Variants in RALYL observed in about 807,000 individuals in gnomAD.
RALYL encodes RALY RNA binding protein like.
In RALYL, 29 loss-of-function variants were observed where a neutral mutation model predicts 35.1. The observed-to-expected ratio is 0.83, with a 90% CI of 0.61 to 1.13. The LOEUF (loss-of-function observed/expected upper bound fraction) is 1.13. Among genes scored for constraint, RALYL ranks in the 50% most tolerant of loss-of-function variants. The pLI, the probability that RALYL is intolerant of heterozygous loss-of-function variation, is 0.00. For missense variants in RALYL, 359 were observed against 360.4 expected (o/e 1.00, Z 0.03); for synonymous variants, 120 against 127.6 (o/e 0.94, Z 0.40).
intron 2 of RALYL, among the ~76,000 whole-genome samples, chr8:84,557,560 C>T (rs1024502580): frequency 6.6e-6 from 1 of 152,160 alleles, no homozygotes; most frequent in Non-Finnish European, 1.5e-5. Flanking sequence ...AACATTTAAA[C>T]ATTTATTACA....
chr8:84,343,999 A>G (rs1172704145), intron 1 of RALYL, among the ~76,000 whole-genome samples: 1 of 152,064 alleles, frequency 6.6e-6, no homozygotes, highest in Non-Finnish European at 1.5e-5. Context: ...GATTATGTTT[A>G]GAAAAATCCC....
intron 1 of RALYL, among the ~76,000 whole-genome samples, chr8:84,253,176 G>GTTTTTTTTTTTTTTTTTTTTTTTTTT (rs764942491): frequency 3.8e-5 from 2 of 52,824 alleles, no homozygotes; most frequent in African/African-American, 1.7e-4. Flanking sequence ...TAGTTCTGCA[G>GTTTTTTTTTTTTTTTTTTTTTTTTTT]TTTTTTTTTT....
At chr8:84,428,106 T>A (rs1491563) in intron 1 of RALYL, among the ~76,000 whole-genome samples, 45,875 of 126,380 alleles carry the variant, frequency 0.36, 7,944 homozygotes, top group South Asian at 0.5. Flanking sequence ...TCTCTCTCTC[T>A]CACACACACA....
intron 1 of RALYL, among the ~76,000 whole-genome samples, chr8:84,339,715 C>A (rs188655933): frequency 6.6e-6 from 1 of 151,858 alleles, no homozygotes; most frequent in Non-Finnish European, 1.5e-5. Flanking sequence ...CTGCTGGACT[C>A]GAAAACATTT....
chr8:84,337,006 T>A (rs1847922131), intron 1 of RALYL, among the ~76,000 whole-genome samples: 1 of 150,878 alleles, frequency 6.6e-6, no homozygotes, highest in African/African-American at 2.4e-5. Flanking sequence ...TTATTTGGAA[T>A]AACCTGTCTG....
intron 2 of RALYL, among the ~76,000 whole-genome samples, chr8:84,638,299 C>T (rs1178238401): frequency 6.6e-6 from 1 of 151,902 alleles, no homozygotes; most frequent in Admixed American, 6.6e-5. Context: ...ACTTCTGGGA[C>T]ACAGCAAGTG....
intron 2 of RALYL, among the ~76,000 whole-genome samples, chr8:84,761,131 T>C (rs1284867796): frequency 6.6e-6 from 1 of 152,074 alleles, no homozygotes; most frequent in Non-Finnish European, 1.5e-5. Context: ...GCTCTCAGCT[T>C]ATTTTCCTCA....
rs376448511 is a variant in RALYL, at chr8:84,253,103, T to A, written c.-24+68679T>A. Among the ~76,000 whole-genome samples, 20 of 150,982 alleles carry A rather than the reference T, an allele frequency of 1.3e-4. No homozygotes were observed. The East Asian group carries it at 3.9e-3, about 30-fold the overall frequency. On this transcript the variant is annotated intron_variant, in intron 1 of 8. Coordinates refer to ENST00000521268, the MANE Select transcript of RALYL (RefSeq NM_173848.7). The stretch of plus-strand genomic sequence containing the variant: ...CTGTGCCCTTTATTTGATATATACA[T>A]ACCTTTCAACCAATATTACTGCCCT...
intron 3 of RALYL, among the ~76,000 whole-genome samples, chr8:84,782,783 G>T (rs758693259): frequency 3.3e-5 from 5 of 152,166 alleles, no homozygotes; most frequent in Non-Finnish European, 5.9e-5. Flanking sequence ...TCCCTGCCTG[G>T]GATGAAGATG....
intron 1 of RALYL, among the ~76,000 whole-genome samples, chr8:84,334,597 A>G (rs1440012075): frequency 6.6e-6 from 1 of 151,882 alleles, no homozygotes; most frequent in Admixed American, 6.6e-5. Context: ...AAACTATGTA[A>G]TTATAAAAAT....
At chr8:84,794,107 G>A (rs899367747) in intron 3 of RALYL, among the ~76,000 whole-genome samples, 2 of 152,178 alleles carry the variant, frequency 1.3e-5, no homozygotes, top group Non-Finnish European at 2.9e-5. Flanking sequence ...GCAGCAGGGA[G>A]ATACATGGAA....
In RALYL at chr8:84,349,735, T is replaced by A. The variant is rs1160614820; in HGVS notation, c.-24+165311T>A. 3.3e-5 allele frequency among the ~76,000 whole-genome samples: 5 copies of A among 150,562 alleles called. No homozygotes were observed. In the East Asian group the frequency reaches 9.7e-4, roughly 29 times the overall value. On this transcript the variant is annotated intron_variant, in intron 1 of 8. Transcript: ENST00000521268. Reference sequence around the variant, plus strand: ...GACAAGAGTTCTGGGAAGCCAAGTTTGAGGCTACATCTTCAAGAGATATGC... The same window carrying A: ...GACAAGAGTTCTGGGAAGCCAAGTTAGAGGCTACATCTTCAAGAGATATGC...
chr8:84,417,113 CAA>C (rs1271233195), intron 1 of RALYL, among the ~76,000 whole-genome samples: 12 of 105,740 alleles, frequency 1.1e-4, no homozygotes, highest in South Asian at 2.9e-4. Flanking sequence ...GGAATTAGAA[CAA>C]AAAAAAAAAA....
At chr8:84,379,874 G>GAA (rs200788229) in intron 1 of RALYL, among the ~76,000 whole-genome samples, 3 of 148,708 alleles carry the variant, frequency 2.0e-5, no homozygotes, top group African/African-American at 7.4e-5. Context: ...AAAAAAAAAA[G>GAA]AAAAAAACTG....
At chr8:84,567,357 C>T (rs934290159) in intron 2 of RALYL, among the ~76,000 whole-genome samples, 1 of 151,668 alleles carries the variant, frequency 6.6e-6, no homozygotes, top group East Asian at 1.9e-4. Flanking sequence ...TCAAACTCAC[C>T]CTCTACCACC....
chr8:84,467,175 C>T (rs1271807773), intron 1 of RALYL, among the ~76,000 whole-genome samples: 3 of 151,964 alleles, frequency 2.0e-5, no homozygotes, highest in Non-Finnish European at 4.4e-5. Context: ...TATTTCTTGC[C>T]TTCTGCTAGC....
intron 8 of RALYL, chr8:84,906,822 C>A (rs549388983): frequency 6.5e-6 from 2 of 308,504 alleles, no homozygotes; most frequent in East Asian, 1.7e-4. Flanking sequence ...CAGGACTGTG[C>A]CCAGCTGGTT....
chr8:84,902,365 G>A (rs1845839436), intron 8 of RALYL, among the ~76,000 whole-genome samples: 1 of 152,070 alleles, frequency 6.6e-6, no homozygotes, highest in South Asian at 2.1e-4. Context: ...CCAAGAGGAT[G>A]GTGCTAAACC....
chr8:84,548,223 A>G (rs1461238343), intron 2 of RALYL, among the ~76,000 whole-genome samples: 3 of 149,036 alleles, frequency 2.0e-5, no homozygotes, highest in Admixed American at 1.3e-4. Flanking sequence ...TCCATCTCGT[A>G]TTTTTCTTAA....
Sources: allele counts gnomAD v4.1 joint callset (sites outside exome capture counted in the v4.1 genomes callset), GRCh38; gene constraint gnomAD v4.1.1; transcripts MANE v1.5; gene names NCBI Gene and HGNC (gene_info 2026-07-23, HGNC 2026-07-21).